NDC80: variants seen among roughly 807,000 people sequenced by gnomAD.
The protein encoded by NDC80 is NDC80 kinetochore complex component, also known as kinetochore protein NDC80 homolog.
NDC80 carries 69 observed loss-of-function variants against 89.3 expected under a neutral mutation model. The ratio of observed to expected loss-of-function variants is 0.77; its 90% confidence interval spans 0.64 to 0.94. NDC80 has a LOEUF of 0.94. Among genes scored for constraint, NDC80 ranks in the 40% least tolerant of loss-of-function variants. The pLI is 0.00. For missense variants in NDC80, 593 were observed against 739.6 expected, an observed-to-expected ratio of 0.80 and a Z score of 2.30; for synonymous variants, 243 against 255.6, an observed-to-expected ratio of 0.95 and a Z score of 0.47.
At chr18:2,574,547 ATGATATTTAGGCC>A (rs2072536066) in intron 2 of NDC80, among the ~76,000 whole-genome samples, 1 of 152,198 alleles carries the variant, frequency 6.6e-6, no homozygotes, top group South Asian at 2.1e-4. Context: ...AATAATAATA[ATGATATTTAGGCC>A]TGAAAGTATG....
intron 3 of NDC80, 100 bp downstream of exon 3, chr18:2,575,166 A>G: frequency 1.2e-6 from 1 of 854,348 alleles, no homozygotes. Flanking sequence ...TCCTTTCGAG[A>G]GAAAAGTTAT....
chr18:2,612,995 G>A (rs1206918005), intron 16 of NDC80, among the ~76,000 whole-genome samples: 1 of 152,318 alleles, frequency 6.6e-6, no homozygotes, highest in South Asian at 2.1e-4. Flanking sequence ...ACAGAGAGGG[G>A]GGTTTAGATC....
chr18:2,594,465 T>A (rs1424247048), intron 10 of NDC80: 1 of 162,342 alleles, frequency 6.2e-6, no homozygotes, highest in Non-Finnish European at 1.5e-5. Flanking sequence ...CATTGTTTCA[T>A]GGTCCTGAGA....
intron 11 of NDC80, among the ~76,000 whole-genome samples, chr18:2,598,292 A>T (rs1040708580): frequency 6.6e-6 from 1 of 152,230 alleles, no homozygotes; most frequent in Non-Finnish European, 1.5e-5. Context: ...CTGCAAATTC[A>T]TTTATTCAAT....
intron 2 of NDC80, among the ~76,000 whole-genome samples, chr18:2,574,275 T>A (rs553131188): frequency 3.3e-4 from 50 of 152,274 alleles, no homozygotes; most frequent in African/African-American, 1.0e-3. Flanking sequence ...TATAGCTAAA[T>A]GGGAGGAATA....
At chr18:2,599,208 T>G in intron 12 of NDC80, 37 bp downstream of exon 12, 1 of 1,555,646 alleles carries the variant, frequency 6.4e-7, no homozygotes, top group Non-Finnish European at 8.7e-7. Flanking sequence ...TTTTTTTAAT[T>G]CTGTGATTGG....
intron 9 of NDC80, 87 bp from the exon 10 acceptor site, chr18:2,589,931 A>C: frequency 2.1e-6 from 2 of 964,522 alleles, no homozygotes; most frequent in Non-Finnish European, 2.8e-6. Flanking sequence ...TTTCTCTAAA[A>C]TAAATTTAAA....
chr18:2,602,427 C>T (rs2072688295), intron 13 of NDC80, among the ~76,000 whole-genome samples: 1 of 151,990 alleles, frequency 6.6e-6, no homozygotes, highest in South Asian at 2.1e-4. Context: ...TGCTGTAATT[C>T]GCAGTTTCTA....
At chr18:2,613,255 A>G (rs1395723397) in intron 16 of NDC80, among the ~76,000 whole-genome samples, 5 of 152,248 alleles carry the variant, frequency 3.3e-5, no homozygotes, top group Admixed American at 6.5e-5. Flanking sequence ...GAATTGAGCA[A>G]TTGTTAAGAA....
intron 8 of NDC80, among the ~76,000 whole-genome samples, chr18:2,588,961 AT>A (rs2143644567): frequency 6.6e-6 from 1 of 152,240 alleles, no homozygotes; most frequent in East Asian, 1.9e-4. Context: ...AAATAATGAA[AT>A]GAGCAACTTT....
intron 14 of NDC80, among the ~76,000 whole-genome samples, chr18:2,607,979 AT>A (rs1568011687): frequency 8.3e-6 from 1 of 120,324 alleles, no homozygotes. Context: ...ATATATATAT[AT>A]ATATATATAT....
intron 10 of NDC80, among the ~76,000 whole-genome samples, chr18:2,591,136 A>G (rs1232325456): frequency 6.6e-6 from 1 of 152,186 alleles, no homozygotes; most frequent in Non-Finnish European, 1.5e-5. Context: ...GCTGAAACTG[A>G]TTGAAAATCA....
rs561412885 is a variant in NDC80, at chr18:2,585,037, T to C, written c.580-76T>C. ...ATGTAAATGCTTCTAAAATTGACACTGAAAACAGAATTTGCCAAAAAATGA... is the reference window on the plus strand; with the variant it reads ...ATGTAAATGCTTCTAAAATTGACACCGAAAACAGAATTTGCCAAAAAATGA... On this transcript the variant is annotated intron_variant, in intron 6 of 16. Transcript: ENST00000261597. 1.2e-5 allele frequency: 13 copies of C among 1,102,940 alleles called. No homozygotes were observed. The Admixed American group carries it at 2.0e-4, about 17-fold the overall frequency. The allele number at this position is 1,102,940 out of a possible 1,614,324, so 68.3% of individuals were successfully genotyped here.
At chr18:2,573,170 T>A in intron 2 of NDC80, 84 bp downstream of exon 2, 1 of 1,082,718 alleles carries the variant, frequency 9.2e-7, no homozygotes, top group South Asian at 1.6e-5. Flanking sequence ...TATAAAGATG[T>A]AATATGAGTG....
chr18:2,597,377 GA>G (rs1329883663), intron 11 of NDC80, among the ~76,000 whole-genome samples: 9 of 152,092 alleles, frequency 5.9e-5, no homozygotes, highest in Admixed American at 5.9e-4. Context: ...TCTTATTTCT[GA>G]TAAGGTGAAA....
At position 2,587,869 on chromosome 18, in the gene NDC80, A is replaced by G. The variant is rs2072609839; in HGVS notation, c.709A>G (p.Met237Val). 6.2e-7 allele frequency: 1 copy of G among 1,613,812 alleles called. No homozygotes were observed. Among genetic ancestry groups the G allele is most frequent in the Non-Finnish European group, 8.5e-7 (1 of 1,179,750 alleles). ...DYTIKCYESF[M>V]SGADSFDEMN... ...CACCATAAAATGCTATGAGAGTTTT[A>G]TGAGTGGTGCCGACAGCTTTGATGA... is the stretch of plus-strand genomic sequence containing the variant. The change falls in exon 8 of 17, where the codon ATG becomes GTG. Residue 237 changes from methionine to valine, a missense_variant. Met to Val is a conservative substitution (Grantham distance 21, BLOSUM62 1). Transcript: ENST00000261597.
intron 3 of NDC80, 51 bp from the exon 4 acceptor site, chr18:2,577,695 T>G: frequency 6.3e-7 from 1 of 1,598,828 alleles, no homozygotes; most frequent in South Asian, 1.1e-5. Context: ...AATTTAGACT[T>G]GATCACAGAA....
intron 16 of NDC80, among the ~76,000 whole-genome samples, chr18:2,611,761 T>C (rs1598247447): frequency 6.6e-6 from 1 of 152,056 alleles, no homozygotes; most frequent in East Asian, 1.9e-4. Context: ...TTGAGTATGG[T>C]TTAAGAAAAA....
At chr18:2,608,308 C>A (rs1008198956) in intron 14 of NDC80, among the ~76,000 whole-genome samples, 1 of 151,768 alleles carries the variant, frequency 6.6e-6, no homozygotes, top group Non-Finnish European at 1.5e-5. Context: ...TGGGTTCAAG[C>A]GATTCTCATG....
Sources: gnomAD v4.1 joint callset for allele counts (sites outside exome capture counted in the v4.1 genomes callset) on GRCh38, gnomAD v4.1.1 for gene constraint, MANE v1.5 for transcripts, NCBI Gene and HGNC (gene_info 2026-07-23, HGNC 2026-07-21) for gene names.